Variants in ARSB observed in about 807,000 individuals in gnomAD.
The protein encoded by ARSB is N-acetylgalactosamine-4-sulfatase.
Under a neutral mutation model 50.9 loss-of-function variants are expected in ARSB, and 41 were observed. The observed-to-expected ratio is 0.81, with a 90% CI of 0.63 to 1.04. The LOEUF (loss-of-function observed/expected upper bound fraction) is 1.04. ARSB is among the 50% of genes least tolerant of loss of function. The pLI is 0.00. For synonymous variants in ARSB, 269 were observed against 284.8 expected (o/e 0.94, Z 0.56); for missense variants, 672 against 693.3 (o/e 0.97, Z 0.35).
chr5:78,941,648 G>C (rs1750929778), intron 4 of ARSB, among the ~76,000 whole-genome samples: 1 of 152,266 alleles, frequency 6.6e-6, no homozygotes, highest in Admixed American at 6.5e-5. Flanking sequence ...GATCATGGTG[G>C]ATAAGCTTTT....
chr5:78,833,290 G>A (rs1389543741), intron 6 of ARSB, among the ~76,000 whole-genome samples: 1 of 152,002 alleles, frequency 6.6e-6, no homozygotes, highest in Non-Finnish European at 1.5e-5. Flanking sequence ...TATTCCCCAG[G>A]CTCTCTCACG....
intron 4 of ARSB, among the ~76,000 whole-genome samples, chr5:78,946,269 T>C (rs924000965): frequency 1.3e-5 from 2 of 151,908 alleles, no homozygotes; most frequent in Non-Finnish European, 2.9e-5. Flanking sequence ...GAGAAAGAAA[T>C]AAAGGCATCC....
chr5:78,788,699 C>T (rs758433741), intron 6 of ARSB, among the ~76,000 whole-genome samples: 16 of 152,178 alleles, frequency 1.1e-4, no homozygotes, highest in Non-Finnish European at 2.1e-4. Context: ...CTTCTTGGCT[C>T]AAATGATCCT....
At chr5:78,857,737 C>T (rs1043592405) in intron 5 of ARSB, among the ~76,000 whole-genome samples, 7 of 152,156 alleles carry the variant, frequency 4.6e-5, no homozygotes, top group Non-Finnish European at 8.8e-5. Flanking sequence ...AGACAAAGAC[C>T]TATGTAAAGA....
chr5:78,823,430 T>G (rs1445484034), intron 6 of ARSB, among the ~76,000 whole-genome samples: 1 of 152,194 alleles, frequency 6.6e-6, no homozygotes, highest in Non-Finnish European at 1.5e-5. Flanking sequence ...CTACTAAAAC[T>G]CTTTCTGGGG....
intron 5 of ARSB, 23 bp from the exon 6 acceptor site, chr5:78,839,449 A>C: frequency 6.2e-7 from 1 of 1,600,092 alleles, no homozygotes; most frequent in Non-Finnish European, 8.6e-7. Context: ...TTTTAAGGGA[A>C]TGTTAATTTC....
chr5:78,808,618 C>T (rs996413652), intron 6 of ARSB, among the ~76,000 whole-genome samples: 5 of 152,186 alleles, frequency 3.3e-5, no homozygotes, highest in South Asian at 2.1e-4. Flanking sequence ...AGATTCAGTT[C>T]ATGTTGCACT....
chr5:78,780,468 G>A lies in ARSB; in HGVS notation c.1531C>T (p.Pro511Ser). 6.2e-7 allele frequency: 1 copy of A among 1,614,130 alleles called. No homozygotes were observed. Among genetic ancestry groups the A allele is most frequent in the Middle Eastern group, 1.7e-4 (1 of 6,060 alleles). Residue 511 changes from proline (P) to serine (S), a missense_variant, in exon 8 of 8, where the codon CCC (proline) becomes TCC (serine). Pro to Ser is a moderately conservative substitution (Grantham distance 74, BLOSUM62 -1). Transcript: ENST00000264914. ...RLQFYHKHSV[P>S]VYFPAQDPRC... Reference sequence around the variant, plus strand: ...GGGTCCTGTGCAGGGAAGTACACGGGGACTGAGTGTTTATGGTAGAACTGT... The same window carrying A: ...GGGTCCTGTGCAGGGAAGTACACGGAGACTGAGTGTTTATGGTAGAACTGT...
At chr5:78,939,858 C>A (rs1438932222) in intron 4 of ARSB, among the ~76,000 whole-genome samples, 2 of 152,214 alleles carry the variant, frequency 1.3e-5, no homozygotes, top group African/African-American at 2.4e-5. Context: ...AATCGCCACA[C>A]TGACTTCCAC....
chr5:78,913,317 G>A (rs1749392174), intron 4 of ARSB, among the ~76,000 whole-genome samples: 1 of 152,014 alleles, frequency 6.6e-6, no homozygotes, highest in African/African-American at 2.4e-5. Flanking sequence ...GTAGAGACGG[G>A]GTTTCACCGT....
intron 4 of ARSB, among the ~76,000 whole-genome samples, chr5:78,910,791 C>T (rs139395890): frequency 6.2e-4 from 95 of 152,280 alleles, no homozygotes; most frequent in Middle Eastern, 6.8e-3. Flanking sequence ...AATAGTGTGT[C>T]GAATCACCTA....
intron 4 of ARSB, among the ~76,000 whole-genome samples, chr5:78,934,657 G>A (rs879302287): frequency 6.6e-6 from 1 of 152,070 alleles, no homozygotes; most frequent in East Asian, 1.9e-4. Flanking sequence ...AGGCGTGATG[G>A]TGGGCACCTG....
At chr5:78,981,478 C>T (rs1305065684) in intron 1 of ARSB, among the ~76,000 whole-genome samples, 1 of 152,238 alleles carries the variant, frequency 6.6e-6, no homozygotes, top group African/African-American at 2.4e-5. Context: ...GTAAGATACA[C>T]TGTGTTGGGC....
chr5:78,783,203 A>G (rs1335222610), intron 6 of ARSB: 1 of 152,192 alleles, frequency 6.6e-6, no homozygotes, highest in Non-Finnish European at 1.5e-5. Context: ...CCAGCCTAAT[A>G]ATTAATTGTC....
chr5:78,935,887 C>A (rs1045875509), intron 4 of ARSB, among the ~76,000 whole-genome samples: 2 of 151,906 alleles, frequency 1.3e-5, no homozygotes, highest in African/African-American at 2.4e-5. Context: ...AAAGTCCCAA[C>A]GTCCCTCTCT....
At chr5:78,959,382 C>A (rs1225407494) in intron 3 of ARSB, among the ~76,000 whole-genome samples, 1 of 151,920 alleles carries the variant, frequency 6.6e-6, no homozygotes, top group Non-Finnish European at 1.5e-5. Flanking sequence ...CACTGGAGGG[C>A]CAGTGGAACT....
intron 4 of ARSB, among the ~76,000 whole-genome samples, chr5:78,906,300 T>C (rs751853350): frequency 6.6e-6 from 1 of 152,014 alleles, no homozygotes; most frequent in African/African-American, 2.4e-5. Flanking sequence ...ACCACTGTAC[T>C]CCAGCCTGGG....
intron 4 of ARSB, among the ~76,000 whole-genome samples, chr5:78,904,335 C>G (rs1748939170): frequency 6.6e-6 from 1 of 151,332 alleles, no homozygotes; most frequent in South Asian, 2.1e-4. Context: ...TGCTTTCATT[C>G]AATTTCATTC....
intron 6 of ARSB, among the ~76,000 whole-genome samples, chr5:78,834,966 C>G (rs958103452): frequency 7.1e-6 from 1 of 140,690 alleles, no homozygotes; most frequent in African/African-American, 2.6e-5. Context: ...CTCCCTCCCT[C>G]CCTCCCTTCC....
Sources: allele counts gnomAD v4.1 joint callset (sites outside exome capture counted in the v4.1 genomes callset), GRCh38; gene constraint gnomAD v4.1.1; transcripts MANE v1.5; gene names NCBI Gene and HGNC (gene_info 2026-07-23, HGNC 2026-07-21).